KCND2: variants seen among roughly 807,000 people sequenced by gnomAD.
KCND2 encodes the protein A-type voltage-gated potassium channel KCND2.
KCND2 carries 16 observed loss-of-function variants against 54.4 expected under a neutral mutation model. That is an observed-to-expected ratio of 0.29 (90% CI 0.20 to 0.45). KCND2 has a LOEUF of 0.45. Ranked by LOEUF, KCND2 falls within the 20% of genes least tolerant of loss-of-function variation. The pLI is 1.00. For missense variants in KCND2, 486 were observed against 824.2 expected (o/e 0.59, Z 5.02); for synonymous variants, 317 against 310.7 (o/e 1.02, Z -0.21).
chr7:120,733,330 G>A (rs1291734994), intron 2 of KCND2, among the ~76,000 whole-genome samples: 1 of 152,098 alleles, frequency 6.6e-6, no homozygotes, highest in Non-Finnish European at 1.5e-5. Context: ...AGTCACTCCA[G>A]CAGGAGTAAA....
In KCND2 at chr7:120,745,910, G is replaced by C. The variant is rs367713278; in HGVS notation, c.1598G>C (p.Arg533Pro). ...GTCACCAGCACCTGCTGTTCACGAC[G>C]ACACAAAAAAACTTTTCGCATCCCA... ...QGVTSTCCSR[R>P]HKKTFRIPNA... is the part of the protein sequence containing the mutation. Residue 533 changes from arginine to proline, a missense_variant, in exon 5 of 6, where the codon CGA becomes CCA. Arg to Pro is a moderately radical substitution (Grantham distance 103, BLOSUM62 -2). This residue lies in a region of KCND2 where 202 missense variants were observed against 252.7 expected (regional missense o/e 0.80). Transcript: ENST00000331113. 2.5e-6 allele frequency: 4 copies of C among 1,613,668 alleles called. No individual in the cohort carries two copies. Among genetic ancestry groups the C allele is most frequent in the Non-Finnish European group, 3.4e-6 (4 of 1,179,844 alleles).
chr7:120,717,155 G>T (rs1035484042), intron 1 of KCND2, among the ~76,000 whole-genome samples: 2 of 152,154 alleles, frequency 1.3e-5, no homozygotes, highest in East Asian at 3.9e-4. Context: ...ACTAACGTAG[G>T]CATTGTGACT....
intron 1 of KCND2, among the ~76,000 whole-genome samples, chr7:120,414,882 C>A (rs1382413881): frequency 6.6e-6 from 1 of 152,092 alleles, no homozygotes; most frequent in African/African-American, 2.4e-5. Context: ...TCACCCTTCC[C>A]TTCTGCCTTC....
At chr7:120,543,237 A>C (rs540239543) in intron 1 of KCND2, among the ~76,000 whole-genome samples, 63 of 150,286 alleles carry the variant, frequency 4.2e-4, no homozygotes, top group African/African-American at 1.4e-3. Flanking sequence ...CTTTTTTTTC[A>C]CTTCCTCTCT....
intron 1 of KCND2, among the ~76,000 whole-genome samples, chr7:120,472,436 AATAAC>A (rs1483664564): frequency 1.3e-5 from 2 of 152,088 alleles, no homozygotes; most frequent in Non-Finnish European, 2.9e-5. Context: ...TGGGCTTCCG[AATAAC>A]ATTGTTCTAG....
intron 1 of KCND2, among the ~76,000 whole-genome samples, chr7:120,367,467 C>T (rs1800703047): frequency 6.6e-6 from 1 of 151,468 alleles, no homozygotes; most frequent in Admixed American, 6.6e-5. Context: ...TGCATTATTA[C>T]AATATCTCAT....
intron 1 of KCND2, among the ~76,000 whole-genome samples, chr7:120,453,129 A>G (rs1340642437): frequency 2.0e-5 from 3 of 152,134 alleles, no homozygotes; most frequent in Non-Finnish European, 4.4e-5. Flanking sequence ...CCACTTTGCC[A>G]GCACACACTC....
intron 1 of KCND2, among the ~76,000 whole-genome samples, chr7:120,335,573 A>G (rs1800138896): frequency 1.3e-5 from 2 of 150,934 alleles, no homozygotes; most frequent in African/African-American, 4.9e-5. Context: ...TGCAAGCGCC[A>G]CCTCCGGGTT....
chr7:120,587,772 G>C (rs1792618828), intron 1 of KCND2, among the ~76,000 whole-genome samples: 1 of 152,114 alleles, frequency 6.6e-6, no homozygotes, highest in Non-Finnish European at 1.5e-5. Flanking sequence ...TGTGGTGCGT[G>C]TTACAGCCCC....
intron 1 of KCND2, among the ~76,000 whole-genome samples, chr7:120,625,690 A>C (rs545041600): frequency 1.3e-5 from 2 of 152,280 alleles, no homozygotes; most frequent in South Asian, 4.1e-4. Context: ...ACATAAATGT[A>C]TCTAAGCTTT....
intron 1 of KCND2, among the ~76,000 whole-genome samples, chr7:120,684,545 C>T (rs1234897416): frequency 2.0e-5 from 3 of 152,074 alleles, no homozygotes; most frequent in African/African-American, 7.2e-5. Flanking sequence ...AGACCTTAAG[C>T]GTCTCTAGGT....
At chr7:120,637,751 C>G (rs1366322333) in intron 1 of KCND2, among the ~76,000 whole-genome samples, 1 of 152,060 alleles carries the variant, frequency 6.6e-6, no homozygotes, top group African/African-American at 2.4e-5. Context: ...TCACATTTCT[C>G]AAGGTGATTT....
At chr7:120,326,047 A>G (rs1799969200) in intron 1 of KCND2, among the ~76,000 whole-genome samples, 1 of 152,264 alleles carries the variant, frequency 6.6e-6, no homozygotes, top group Admixed American at 6.6e-5. Context: ...ATAAACATTT[A>G]TAAATGAAAG....
intron 1 of KCND2, among the ~76,000 whole-genome samples, chr7:120,615,773 T>C (rs185711407): frequency 6.6e-6 from 1 of 152,310 alleles, no homozygotes; most frequent in East Asian, 1.9e-4. Flanking sequence ...TGCTATTGTA[T>C]GAAAAAATAG....
chr7:120,662,540 A>G (rs959911421), intron 1 of KCND2, among the ~76,000 whole-genome samples: 1 of 152,210 alleles, frequency 6.6e-6, no homozygotes, highest in Non-Finnish European at 1.5e-5. Context: ...GCCATGCTTT[A>G]CAAAGAACAT....
At chr7:120,597,425 A>C (rs1307807043) in intron 1 of KCND2, among the ~76,000 whole-genome samples, 13 of 152,194 alleles carry the variant, frequency 8.5e-5, no homozygotes, top group Admixed American at 8.5e-4. Context: ...GGATTCAATA[A>C]ATTAGTCTTT....
intron 1 of KCND2, among the ~76,000 whole-genome samples, chr7:120,336,478 G>A (rs887322263): frequency 1.3e-4 from 20 of 152,028 alleles, no homozygotes; most frequent in East Asian, 5.8e-4. Flanking sequence ...GCCAGGTTCC[G>A]TATATTATAG....
chr7:120,526,841 T>G (rs941379591), intron 1 of KCND2, among the ~76,000 whole-genome samples: 1 of 152,172 alleles, frequency 6.6e-6, no homozygotes, highest in Non-Finnish European at 1.5e-5. Flanking sequence ...TCTATTTCTA[T>G]TGACATGTCA....
At chr7:120,741,743 A>G (rs1792944126) in intron 3 of KCND2, 114 bp downstream of exon 3, 2 of 781,982 alleles carry the variant, frequency 2.6e-6, no homozygotes, top group Admixed American at 2.0e-5. Flanking sequence ...TATCCAAACA[A>G]CAAAAGTGTG....
Sources: gnomAD v4.1 joint callset for allele counts (sites outside exome capture counted in the v4.1 genomes callset) on GRCh38, gnomAD v4.1.1 for gene constraint, gnomAD v4.1.1 regional missense constraint, MANE v1.5 for transcripts, NCBI Gene and HGNC (gene_info 2026-07-23, HGNC 2026-07-21) for gene names.